KCNIP4: variants seen among roughly 807,000 people sequenced by gnomAD.
The protein encoded by KCNIP4 is potassium voltage-gated channel interacting protein 4.
In KCNIP4, 12 loss-of-function variants were observed where a neutral mutation model predicts 34.0. That is an observed-to-expected ratio of 0.35 (90% CI 0.23 to 0.57). The LOEUF is 0.57. KCNIP4 is among the 20% of genes least tolerant of loss of function. KCNIP4 has a pLI of 0.83. For missense variants in KCNIP4, 238 were observed against 311.7 expected, an observed-to-expected ratio of 0.76 and a Z score of 1.78; for synonymous variants, 124 against 102.2, an observed-to-expected ratio of 1.21 and a Z score of -1.29.
At chr4:21,271,634 G>A (rs1207515697) in intron 1 of KCNIP4, among the ~76,000 whole-genome samples, 1 of 152,126 alleles carries the variant, frequency 6.6e-6, no homozygotes, top group African/African-American at 2.4e-5. Context: ...ATAAAGATGG[G>A]AGAGGTCTTG....
At chr4:21,321,511 A>G (rs564994191) in intron 1 of KCNIP4, among the ~76,000 whole-genome samples, 4 of 152,208 alleles carry the variant, frequency 2.6e-5, no homozygotes, top group East Asian at 1.9e-4. Context: ...AAAATATTAA[A>G]TGGGTAGACA....
At chr4:21,759,036 G>C (rs1438729286) in intron 1 of KCNIP4, among the ~76,000 whole-genome samples, 1 of 152,064 alleles carries the variant, frequency 6.6e-6, no homozygotes, top group African/African-American at 2.4e-5. Context: ...CTCAATAAGT[G>C]CTCCTTGTTA....
chr4:21,711,634 A>T (rs1337399366), intron 1 of KCNIP4, among the ~76,000 whole-genome samples: 2 of 152,236 alleles, frequency 1.3e-5, no homozygotes, highest in African/African-American at 2.4e-5. Flanking sequence ...CGAAAAACTG[A>T]TTTCATTAAG....
intron 1 of KCNIP4, among the ~76,000 whole-genome samples, chr4:21,632,380 A>C (rs1014333930): frequency 2.5e-5 from 3 of 122,372 alleles, no homozygotes; most frequent in African/African-American, 1.1e-4. Flanking sequence ...TGCCTGGCTA[A>C]TTTTTGTATT....
chr4:21,069,310 A>G (rs1307898665), intron 1 of KCNIP4, among the ~76,000 whole-genome samples: 1 of 152,152 alleles, frequency 6.6e-6, no homozygotes, highest in Non-Finnish European at 1.5e-5. Flanking sequence ...AGCCAACTAC[A>G]GGATTTTATA....
chr4:21,368,825 C>T (rs1403862421), intron 1 of KCNIP4, among the ~76,000 whole-genome samples: 1 of 147,452 alleles, frequency 6.8e-6, no homozygotes, highest in Non-Finnish European at 1.5e-5. Context: ...TGGTTAATTG[C>T]TAACACATTG....
In KCNIP4 at chr4:21,948,728, G is replaced by T. The variant is rs1730644420; in HGVS notation, c.-97C>A. ...ACGGGAGCGCACCGCCGCTCGGCCC[G>T]GGGGCGTCCGTGGCGCTGGGAGCGA... is the stretch of plus-strand genomic sequence containing the variant. On this transcript the variant is annotated 5_prime_UTR_variant, in exon 1 of 9. Coordinates refer to ENST00000382152, the MANE Select transcript of KCNIP4 (RefSeq NM_025221.6). 1.5e-6 allele frequency: 2 copies of T among 1,291,454 alleles called. No homozygotes were observed. Among genetic ancestry groups the T allele is most frequent in the Non-Finnish European group, 2.0e-6 (2 of 1,003,242 alleles). 80.0% of individuals were successfully genotyped at this position (1,291,454 alleles called of 1,614,324 possible). A position where few individuals can be genotyped will look rare whatever the true frequency, so the allele number is the denominator to read the frequency against.
At chr4:21,106,802 T>C (rs1748587298) in intron 1 of KCNIP4, among the ~76,000 whole-genome samples, 2 of 151,660 alleles carry the variant, frequency 1.3e-5, no homozygotes, top group South Asian at 4.1e-4. Flanking sequence ...GTTGTGTCTT[T>C]TTTCTCGTTG....
chr4:20,753,726 A>G (rs1326865798), intron 4 of KCNIP4, among the ~76,000 whole-genome samples: 2 of 151,470 alleles, frequency 1.3e-5, no homozygotes, highest in Non-Finnish European at 2.9e-5. Context: ...CCCTCTGTAA[A>G]TCACCCTGAA....
At chr4:20,796,918 A>G (rs534126748) in intron 3 of KCNIP4, among the ~76,000 whole-genome samples, 1 of 152,340 alleles carries the variant, frequency 6.6e-6, no homozygotes. Flanking sequence ...TAAAATAAAC[A>G]ACAGTTACTT....
intron 1 of KCNIP4, among the ~76,000 whole-genome samples, chr4:21,752,491 C>T (rs1221331762): frequency 6.6e-6 from 1 of 152,122 alleles, no homozygotes; most frequent in Non-Finnish European, 1.5e-5. Flanking sequence ...AACCACCTCC[C>T]ACCAGGTCTC....
intron 1 of KCNIP4, among the ~76,000 whole-genome samples, chr4:21,286,819 C>T (rs190288557): frequency 8.5e-5 from 13 of 152,214 alleles, no homozygotes; most frequent in Admixed American, 3.9e-4. Context: ...AACCAAGGGA[C>T]AGATCTTGAG....
chr4:21,238,407 G>A (rs1289550922), intron 1 of KCNIP4, among the ~76,000 whole-genome samples: 2 of 152,154 alleles, frequency 1.3e-5, no homozygotes, highest in African/African-American at 2.4e-5. Context: ...AGGAAATAAA[G>A]GGTATTCAAT....
At chr4:20,902,496 A>G (rs1019484962) in intron 1 of KCNIP4, among the ~76,000 whole-genome samples, 3 of 152,096 alleles carry the variant, frequency 2.0e-5, no homozygotes, top group Admixed American at 2.0e-4. Flanking sequence ...TTAGTATTGC[A>G]CCAGCCTAAT....
chr4:21,064,845 A>T (rs1577624958), intron 1 of KCNIP4, among the ~76,000 whole-genome samples: 1 of 152,274 alleles, frequency 6.6e-6, no homozygotes, highest in Non-Finnish European at 1.5e-5. Context: ...AAAGAAAAAA[A>T]CTCTACATAA....
chr4:21,379,285 A>C (rs540051861), intron 1 of KCNIP4, among the ~76,000 whole-genome samples: 1 of 152,232 alleles, frequency 6.6e-6, no homozygotes, highest in African/African-American at 2.4e-5. Flanking sequence ...ACTACTTCTC[A>C]CCACTTCCAG....
chr4:21,462,323 T>C (rs1209361100), intron 1 of KCNIP4, among the ~76,000 whole-genome samples: 2 of 152,136 alleles, frequency 1.3e-5, no homozygotes, highest in Non-Finnish European at 2.9e-5. Flanking sequence ...TCACAATCAC[T>C]GCGGAAGGCA....
At chr4:21,196,812 A>G (rs538712159) in intron 1 of KCNIP4, among the ~76,000 whole-genome samples, 1 of 152,330 alleles carries the variant, frequency 6.6e-6, no homozygotes, top group African/African-American at 2.4e-5. Context: ...ACATTGAGGT[A>G]GAAAATACAG....
chr4:21,187,705 C>G (rs1755342201), intron 1 of KCNIP4, among the ~76,000 whole-genome samples: 1 of 148,154 alleles, frequency 6.7e-6, no homozygotes, highest in Non-Finnish European at 1.5e-5. Context: ...TCAGAATCCT[C>G]ATTTTTTTTT....
Sources: allele counts gnomAD v4.1 joint callset (sites outside exome capture counted in the v4.1 genomes callset), GRCh38; gene constraint gnomAD v4.1.1; transcripts MANE v1.5; gene names NCBI Gene and HGNC (gene_info 2026-07-23, HGNC 2026-07-21).